Variants in RTN4IP1 observed in about 807,000 individuals in gnomAD.
RTN4IP1 encodes the protein NAD(P)H oxidoreductase RTN4IP1, mitochondrial.
A neutral mutation model predicts 46.6 loss-of-function variants in RTN4IP1; 32 were observed. That is an observed-to-expected ratio of 0.69 (90% CI 0.52 to 0.92). The LOEUF (loss-of-function observed/expected upper bound fraction) is 0.92, where lower values mean the gene tolerates loss of function less well. RTN4IP1 is among the 40% of genes least tolerant of loss of function. The probability of loss-of-function intolerance (pLI) is 0.00; values close to 1 mark genes in which losing one functional copy is unlikely to be tolerated. For synonymous variants in RTN4IP1, 167 were observed against 161.8 expected (o/e 1.03, Z -0.24); for missense variants, 424 against 485.8 (o/e 0.87, Z 1.20).
chr6:106,585,841 G>A (rs527774429), intron 7 of RTN4IP1, among the ~76,000 whole-genome samples: 1 of 152,318 alleles, frequency 6.6e-6, no homozygotes, highest in African/African-American at 2.4e-5. Context: ...CAACTCTGAA[G>A]GTTAACTTGT....
chr6:106,583,846 G>C (rs1182137561), intron 7 of RTN4IP1, among the ~76,000 whole-genome samples: 2 of 152,132 alleles, frequency 1.3e-5, no homozygotes, highest in Non-Finnish European at 2.9e-5. Context: ...ATGTTTTGGG[G>C]ACAATAAGTC....
chr6:106,628,026 C>T (rs1389699647), intron 1 of RTN4IP1, among the ~76,000 whole-genome samples: 1 of 145,632 alleles, frequency 6.9e-6, no homozygotes, highest in Non-Finnish European at 1.5e-5. Flanking sequence ...CAGGAAAGCG[C>T]CCTTGCACTC....
chr6:106,570,918 G>A lies in RTN4IP1; in HGVS notation c.*1078C>T, dbSNP rs1343031459. The stretch of plus-strand genomic sequence containing the variant: ...TCAAAAGTTACAAGCAAGCATATCA[G>A]GTGCAATACTGAGGATGAGTATATT... On this transcript the variant is annotated 3_prime_UTR_variant, in exon 9 of 9. Transcript: ENST00000369063. 2 of 152,132 alleles carry A rather than the reference G, an allele frequency of 1.3e-5. No homozygotes were observed. The highest frequency in any genetic ancestry group is 2.9e-5 in the Non-Finnish European group (2 of 68,036). 9.4% of individuals were successfully genotyped at this position (152,132 alleles called of 1,614,324 possible).
At chr6:106,630,426 T>C (rs1776798178), upstream of RTN4IP1, among the ~76,000 whole-genome samples, 2 of 152,236 alleles carry the variant, frequency 1.3e-5, no homozygotes, top group South Asian at 4.1e-4. Context: ...AGATTCTTCC[T>C]CATCTTTCAT....
At chr6:106,599,566 T>C (rs1344573308) in intron 5 of RTN4IP1, among the ~76,000 whole-genome samples, 5 of 151,962 alleles carry the variant, frequency 3.3e-5, no homozygotes, top group Non-Finnish European at 7.4e-5. Flanking sequence ...TACTTTTGCA[T>C]CTGATTTCTT....
upstream of RTN4IP1, chr6:106,629,791 G>C: frequency 6.6e-7 from 1 of 1,509,640 alleles, no homozygotes; most frequent in Non-Finnish European, 9.0e-7. Context: ...GCCTTACCAC[G>C]CATCTTGGCC....
intron 5 of RTN4IP1, among the ~76,000 whole-genome samples, chr6:106,601,832 A>C (rs142692285): frequency 3.2e-4 from 49 of 152,058 alleles, no homozygotes; most frequent in Non-Finnish European, 5.9e-4. Flanking sequence ...GCTGTTCTTG[A>C]ACTCCCGACC....
At chr6:106,580,508 CA>C (rs377382700) in intron 8 of RTN4IP1, among the ~76,000 whole-genome samples, 8 of 152,190 alleles carry the variant, frequency 5.3e-5, no homozygotes, top group African/African-American at 1.9e-4. Flanking sequence ...CATCTGAGGT[CA>C]GGAGTTCAAG....
rs766589627 is a variant in RTN4IP1, at chr6:106,628,874, T to A, written c.148A>T (p.Lys50Ter). ...STVMPAWVID[K>*]YGKNEVLRFT... is the part of the protein sequence containing the mutation. Reference sequence around the variant, plus strand: ...CGAAGCACTTCATTCTTCCCATATTTATCTATCACCCAAGCAGGCATGACA... The same window carrying A: ...CGAAGCACTTCATTCTTCCCATATTAATCTATCACCCAAGCAGGCATGACA... Residue 50 changes from lysine to a stop codon, truncating the protein, a stop_gained, in exon 1 of 9, where the codon AAA becomes TAA. Transcript: ENST00000369063. LOFTEE classifies it high-confidence loss of function. The A allele has an allele frequency of 3.7e-6, 6 of 1,614,070 alleles. No individual in the cohort carries two copies. In the African/African-American group the frequency reaches 8.0e-5, roughly 22 times the overall value.
At chr6:106,581,171 GA>G (rs1279884126) in intron 8 of RTN4IP1, among the ~76,000 whole-genome samples, 3 of 152,146 alleles carry the variant, frequency 2.0e-5, no homozygotes, top group Non-Finnish European at 4.4e-5. Flanking sequence ...GTCAAAAGAA[GA>G]CTTCTTGAAA....
chr6:106,627,547 A>T (rs1223868520), intron 1 of RTN4IP1, among the ~76,000 whole-genome samples: 2 of 152,126 alleles, frequency 1.3e-5, no homozygotes, highest in African/African-American at 2.4e-5. Context: ...ATCAAAGGAG[A>T]TGAAAAAACA....
Position 106,572,010 on chromosome 6 carries a change from T to C in RTN4IP1, c.1177A>G (p.Ile393Val). Residue 393 changes from isoleucine (I) to valine (V), a missense_variant, in exon 9 of 9, where the codon ATT (isoleucine) becomes GTT (valine). By Grantham distance (29) the Ile-to-Val change is conservative (BLOSUM62 3). Transcript: ENST00000369063. ...ERGHARGKTV[I>V]NVV Reference sequence around the variant, plus strand: ...TGCATTTTTATTTAAACAACATTAATTACAGTCTTTCCTCGTGCGTGTCCT... The same window carrying C: ...TGCATTTTTATTTAAACAACATTAACTACAGTCTTTCCTCGTGCGTGTCCT... 2 of 1,611,378 alleles carry C rather than the reference T, an allele frequency of 1.2e-6. No homozygotes were observed. The highest frequency in any genetic ancestry group is 1.7e-6 in the Non-Finnish European group (2 of 1,177,674).
chr6:106,599,286 TATAA>T (rs1432561498), intron 5 of RTN4IP1, among the ~76,000 whole-genome samples: 39 of 152,128 alleles, frequency 2.6e-4, no homozygotes, highest in Admixed American at 1.0e-3. Context: ...GCATACAGAA[TATAA>T]ATATACAGCT....
chr6:106,606,589 T>C (rs1452258156), intron 4 of RTN4IP1, among the ~76,000 whole-genome samples: 3 of 152,028 alleles, frequency 2.0e-5, no homozygotes, highest in African/African-American at 7.2e-5. Context: ...ATTTATATAA[T>C]GAAAACTAGA....
At chr6:106,627,980 A>G (rs1204401448) in intron 1 of RTN4IP1, among the ~76,000 whole-genome samples, 2 of 140,490 alleles carry the variant, frequency 1.4e-5, no homozygotes, top group Admixed American at 1.5e-4. Context: ...AAGCAGGAGA[A>G]TCGCTTGAAC....
chr6:106,628,784 CG>C lies in RTN4IP1; in HGVS notation c.237del (p.His79GlnfsTer5). 6.2e-7 allele frequency: 1 copy of C among 1,613,904 alleles called. No individual in the cohort carries two copies. Among genetic ancestry groups the C allele is most frequent in the Non-Finnish European group, 8.5e-7 (1 of 1,179,842 alleles). On this transcript the variant is annotated frameshift_variant, in exon 1 of 9. Transcript: ENST00000369063. LOFTEE classifies it high-confidence loss of function. ...ACGTCTATAGGATTTACACTGGCAG[CG>C]TGAACTTTGACAATGACTTCATTTG... The part of the protein sequence containing the change: ...HYPNEVIVKV[H>X]AASVNPIDVN...
intron 6 of RTN4IP1, among the ~76,000 whole-genome samples, chr6:106,590,163 T>C (rs1032703626): frequency 6.7e-6 from 1 of 148,958 alleles, no homozygotes. Context: ...AAAAAAAAAA[T>C]TGAAAAATTA....
At chr6:106,577,089 C>G (rs1775247109) in intron 8 of RTN4IP1, among the ~76,000 whole-genome samples, 1 of 152,170 alleles carries the variant, frequency 6.6e-6, no homozygotes, top group African/African-American at 2.4e-5. Context: ...CTCCTAACAT[C>G]AGAAGGCTTA....
Position 106,602,940 on chromosome 6 carries a change from C to T in RTN4IP1, c.621-18G>A. On this transcript the variant is annotated intron_variant, in intron 4 of 8. Coordinates refer to ENST00000369063, the MANE Select transcript of RTN4IP1 (RefSeq NM_032730.5). ...TTAGAACACTGAAATGCAAAGGAAA[C>T]CACAATTAACGAGAATCTAAAGCAG... 6.3e-7 allele frequency: 1 copy of T among 1,590,614 alleles called. No homozygotes were observed. Among genetic ancestry groups the T allele is most frequent in the Non-Finnish European group, 8.6e-7 (1 of 1,169,232 alleles).
Sources: allele counts gnomAD v4.1 joint callset (sites outside exome capture counted in the v4.1 genomes callset), GRCh38; gene constraint gnomAD v4.1.1; transcripts MANE v1.5; gene names NCBI Gene and HGNC (gene_info 2026-07-23, HGNC 2026-07-21).